The following TBC1D9B variants were observed in gnomAD, a reference collection of about 807,000 sequenced individuals.
TBC1D9B encodes the protein TBC1 domain family member 9B, also known as TBC1 domain family, member 9B (with GRAM domain).
TBC1D9B carries 87 observed loss-of-function variants against 121.1 expected under a neutral mutation model. The ratio of observed to expected loss-of-function variants is 0.72; its 90% CI spans 0.60 to 0.86. The LOEUF (loss-of-function observed/expected upper bound fraction) is 0.86, where lower values mean the gene tolerates loss of function less well. Among genes scored for constraint, TBC1D9B ranks in the 40% least tolerant of loss-of-function variants. The pLI, the probability that TBC1D9B is intolerant of heterozygous loss-of-function variation, is 0.00. For missense variants in TBC1D9B, 1,540 were observed against 1,628.6 expected (o/e 0.95, Z 0.94); for synonymous variants, 668 against 670.1 (o/e 1.00, Z 0.05).
rs1458844840 is a variant in TBC1D9B, at chr5:179,869,763, T to C, written c.2791+6A>G. 5.6e-6 allele frequency: 9 copies of C among 1,610,928 alleles called. No individual in the cohort carries two copies. The highest frequency in any genetic ancestry group is 7.6e-6 in the Non-Finnish European group (9 of 1,178,410). On this transcript the variant is annotated splice_donor_region_variant and intron_variant, in intron 17 of 20. Coordinates refer to ENST00000355235, the MANE Select transcript of TBC1D9B (RefSeq NM_015043.4). ...CCTGGCTGGGGAGTGGGCAGGAGGC[T>C]CTCACCTGGGGGAAGGTGTAGCTTG...
intron 12 of TBC1D9B, among the ~76,000 whole-genome samples, 188 bp from the exon 13 acceptor site, chr5:179,873,436 C>A (rs1448397145): frequency 6.6e-6 from 1 of 152,236 alleles, no homozygotes; most frequent in Non-Finnish European, 1.5e-5. Flanking sequence ...GGGGAGCCCT[C>A]TACAGGGCAG....
intron 3 of TBC1D9B, among the ~76,000 whole-genome samples, chr5:179,897,751 A>ATC (rs1438471667): frequency 9.9e-5 from 15 of 152,242 alleles, no homozygotes; most frequent in African/African-American, 3.6e-4. Flanking sequence ...TACTATTATT[A>ATC]TCATCGCCCA....
rs199880927 is a variant in TBC1D9B at position 179,904,222 on chromosome 5, T to TTC, written c.229+479_229+480insGA. 0.3 allele frequency among the ~76,000 whole-genome samples: 27,772 copies of TTC among 93,524 alleles called. 4,588 individuals are homozygous for TTC. The highest frequency in any genetic ancestry group is 0.66 in the East Asian group (2,479 of 3,736). The allele number at this position is 93,524 out of a possible 152,430, so 61.4% of individuals were successfully genotyped here. On this transcript the variant is annotated intron_variant, in intron 2 of 20. Coordinates refer to ENST00000355235, the MANE Select transcript of TBC1D9B (RefSeq NM_015043.4). The surrounding 1 kb of genome is among the most constrained non-coding windows in gnomAD (Gnocchi z 4.2). ...GTCCCCATGACCAGTGGAGCTGCCTTTTTTTTTTTTTTTTTTTTTTGAGAC... is the reference window on the plus strand; with the variant it reads ...GTCCCCATGACCAGTGGAGCTGCCTTTCTTTTTTTTTTTTTTTTTTTTGAGAC...
chr5:179,888,077 C>T, intron 7 of TBC1D9B, 26 bp downstream of exon 7: 1 of 1,612,534 alleles, frequency 6.2e-7, no homozygotes, highest in Non-Finnish European at 8.5e-7. Context: ...CCAACTCGAC[C>T]CTGCTGCTCC....
chr5:179,885,789 C>A lies in TBC1D9B; in HGVS notation c.1254+2314G>T, dbSNP rs1228160102. Among the ~76,000 whole-genome samples, 1 of 152,136 alleles carries A rather than the reference C, an allele frequency of 6.6e-6. No homozygotes were observed. Among genetic ancestry groups the A allele is most frequent in the African/African-American group, 2.4e-5 (1 of 41,416 alleles). On this transcript the variant is annotated intron_variant, in intron 7 of 20. Transcript: ENST00000355235. The surrounding 1 kb of genome is among the most constrained non-coding windows in gnomAD (Gnocchi z 4.5). ...TGTCAACATGGACGGCCACAGTAAC[C>A]CCATTAACACGTAAACAGGTCGTGC...
intron 7 of TBC1D9B, among the ~76,000 whole-genome samples, chr5:179,886,333 G>A (rs1409401835): frequency 1.3e-5 from 2 of 152,188 alleles, no homozygotes; most frequent in Non-Finnish European, 2.9e-5. Context: ...CACCTAACAG[G>A]AATGCAATAA....
At chr5:179,882,681 C>A (rs1365246383) in intron 7 of TBC1D9B, among the ~76,000 whole-genome samples, 1 of 152,158 alleles carries the variant, frequency 6.6e-6, no homozygotes, top group African/African-American at 2.4e-5. Flanking sequence ...TCAACCCCAT[C>A]TCTACAAAAA....
At position 179,865,657 on chromosome 5, in the gene TBC1D9B, C is replaced by T. The variant is rs1223152441; in HGVS notation, c.2914+181G>A. ...GGCAAGAGAGGGCTGGCTGGGTGCCCGTGGGGCTGGTGGAGAGCGTGGAGC... is the reference window on the plus strand; with the variant it reads ...GGCAAGAGAGGGCTGGCTGGGTGCCTGTGGGGCTGGTGGAGAGCGTGGAGC... On this transcript the variant is annotated intron_variant, in intron 19 of 20. Coordinates refer to ENST00000355235, the MANE Select transcript of TBC1D9B (RefSeq NM_015043.4). This position sits in a 1 kb window ranked among gnomAD's most constrained non-coding sequence, Gnocchi z 5.1. 8.6e-6 allele frequency: 6 copies of T among 700,976 alleles called. No homozygotes were observed. The East Asian group carries it at 1.1e-4, about 12-fold the overall frequency. The allele number at this position is 700,976 out of a possible 1,614,324, so 43.4% of individuals were successfully genotyped here. A position where few individuals can be genotyped will look rare whatever the true frequency, so the allele number is the denominator to read the frequency against.
intron 18 of TBC1D9B, chr5:179,867,285 G>A (rs1006559164): frequency 1.6e-5 from 12 of 760,864 alleles, no homozygotes; most frequent in African/African-American, 7.1e-5. Flanking sequence ...ACACGGAGGC[G>A]GTGCAGAGGA....
Position 179,893,336 on chromosome 5 carries a change from T to C in TBC1D9B, c.709A>G (p.Thr237Ala). The change falls in exon 5 of 21, where the codon ACC becomes GCC. Residue 237 changes from threonine to alanine, a missense_variant. By Grantham distance (58) the Thr-to-Ala change is moderately conservative. Transcript: ENST00000355235. ...FFSMFLNIGE[T>A]FKLMEQLANL... ...GCCAACTGCTCCATGAGCTTGAAGG[T>C]CTCGCCGATGTTGAGGAACATGGAG... 1 of 1,614,008 alleles carries C rather than the reference T, an allele frequency of 6.2e-7. No individual in the cohort carries two copies. The highest frequency in any genetic ancestry group is 1.3e-5 in the African/African-American group (1 of 75,006).
intron 18 of TBC1D9B, chr5:179,866,688 C>T (rs954751134): frequency 1.3e-5 from 2 of 152,368 alleles, no homozygotes; most frequent in East Asian, 3.8e-4. Context: ...CTAGAGTGGC[C>T]TGCTGGTTCC....
chr5:179,880,438 G>A (rs529408339), intron 7 of TBC1D9B, among the ~76,000 whole-genome samples: 2 of 152,302 alleles, frequency 1.3e-5, no homozygotes, highest in Non-Finnish European at 2.9e-5. Context: ...GCAGGTGGTC[G>A]ATTCCCCATG....
rs1026395955 is a variant in TBC1D9B at position 179,865,028 on chromosome 5, C to T, written c.3021+226G>A. On this transcript the variant is annotated intron_variant, in intron 20 of 20. Transcript: ENST00000355235. This position sits in a 1 kb window ranked among gnomAD's most constrained non-coding sequence, Gnocchi z 5.1. ...AAGCCTCTGGCTCCTGGTTCACAGA[C>T]ACTCACTCAATCTGGAAACATGCCC... 6.6e-6 allele frequency among the ~76,000 whole-genome samples: 1 copy of T among 151,716 alleles called. No homozygotes were observed. The highest frequency in any genetic ancestry group is 2.4e-5 in the African/African-American group (1 of 41,466).
At position 179,897,097 on chromosome 5, in the gene TBC1D9B, T is replaced by C. The variant is rs536457108; in HGVS notation, c.348+2092A>G. Among the ~76,000 whole-genome samples the C allele has an allele frequency of 5.8e-3, 885 of 151,330 alleles. 1 individual carries two copies. Among genetic ancestry groups the C allele is most frequent in the Non-Finnish European group, 9.3e-3 (633 of 67,846 alleles). Reference sequence around the variant, plus strand: ...AATTTTTTTGTATTTTTAGTAGAGATGGGGTTTCACTGTGTTAGCCAGGAT... The same window carrying C: ...AATTTTTTTGTATTTTTAGTAGAGACGGGGTTTCACTGTGTTAGCCAGGAT... On this transcript the variant is annotated intron_variant, in intron 3 of 20. Coordinates refer to ENST00000355235, the MANE Select transcript of TBC1D9B (RefSeq NM_015043.4).
Position 179,899,299 on chromosome 5 carries a change from G to A in TBC1D9B, c.238C>T (p.Arg80Cys), listed in dbSNP as rs149901807. ...TCCCAGTGTTTTGTGATCTCTTTGC[G>A]GGAAGAACCTAGAAGAGGTTTGGTA... is the stretch of plus-strand genomic sequence containing the variant. ...VYWTVACGSS[R>C]KEITKHWEWL... Residue 80 changes from arginine to cysteine, a missense_variant, in exon 3 of 21, where the codon CGC becomes TGC. By Grantham distance (180) the Arg-to-Cys change is radical. Coordinates refer to ENST00000355235, the MANE Select transcript of TBC1D9B (RefSeq NM_015043.4). The A allele has an allele frequency of 3.3e-5, 54 of 1,613,652 alleles. No individual in the cohort carries two copies. The highest frequency in any genetic ancestry group is 4.4e-5 in the Non-Finnish European group (52 of 1,179,872).
intron 14 of TBC1D9B, 55 bp from the exon 15 acceptor site, chr5:179,871,585 A>G: frequency 6.4e-7 from 1 of 1,571,816 alleles, no homozygotes; most frequent in Non-Finnish European, 8.7e-7. Flanking sequence ...CTGGCACAGA[A>G]GTACGGCACT....
rs1760247821 is a variant in TBC1D9B at position 179,872,957 on chromosome 5, G to A, written c.2350C>T (p.Gln784Ter). ...FSSLRAEDIEQMRFKQRLKVI... is the reference protein window; with the variant it reads ...FSSLRAEDIE ...TTCAGCCTCTGTTTAAACCGCATCT[G>A]CTCAATGTCTTCGGCCCTCAGGCTG... is the stretch of plus-strand genomic sequence containing the variant. Residue 784 changes from glutamine to a stop codon, truncating the protein, a stop_gained, in exon 14 of 21, where the codon CAG becomes TAG. Transcript: ENST00000355235. LOFTEE classifies it high-confidence loss of function. The A allele has an allele frequency of 1.2e-6, 2 of 1,613,716 alleles. 1 individual carries two copies. Among genetic ancestry groups the A allele is most frequent in the Admixed American group, 3.3e-5 (2 of 59,962 alleles).
At chr5:179,898,710 T>A (rs156101) in intron 3 of TBC1D9B, among the ~76,000 whole-genome samples, 88,357 of 151,868 alleles carry the variant, frequency 0.58, 28,444 homozygotes, top group African/African-American at 0.85. Context: ...CGGCCTCCCA[T>A]AGTGCTGGGA....
chr5:179,906,176 C>T (rs1181710015), intron 1 of TBC1D9B, among the ~76,000 whole-genome samples: 1 of 152,186 alleles, frequency 6.6e-6, no homozygotes, highest in African/African-American at 2.4e-5. Flanking sequence ...CCTGTCTGCT[C>T]CTCTTCAGGG....
Sources: allele counts gnomAD v4.1 joint callset (sites outside exome capture counted in the v4.1 genomes callset), GRCh38; gene constraint gnomAD v4.1.1; non-coding constraint Gnocchi (gnomAD v3.1); transcripts MANE v1.5; gene names NCBI Gene and HGNC (gene_info 2026-07-23, HGNC 2026-07-21).